The following UBD variants were observed in gnomAD, a reference collection of about 807,000 sequenced individuals.
UBD encodes ubiquitin D.
UBD carries 1 observed loss-of-function variant against 2.3 expected under a neutral mutation model. That is an observed-to-expected ratio of 0.43 (90% CI 0.15 to 2.06). The LOEUF is 2.06. Ranked by LOEUF, UBD falls within the 30% of genes most tolerant of loss-of-function variation. The pLI, the probability that UBD is intolerant of heterozygous loss-of-function variation, is 0.29. For missense variants in UBD, 175 were observed against 199.3 expected, an observed-to-expected ratio of 0.88 and a Z score of 0.73; for synonymous variants, 75 against 76.5, an observed-to-expected ratio of 0.98 and a Z score of 0.10.
At chr6:29,558,227 T>C (rs1762621218) in intron 1 of UBD, among the ~76,000 whole-genome samples, 1 of 152,236 alleles carries the variant, frequency 6.6e-6, no homozygotes, top group Non-Finnish European at 1.5e-5. Flanking sequence ...GAGACAGGAC[T>C]AGCTGGATTT....
Position 29,556,060 on chromosome 6 carries a change from C to T in UBD, c.318G>A (p.Val106=), listed in dbSNP as rs939809124. 5.6e-6 allele frequency: 9 copies of T among 1,613,022 alleles called. No homozygotes were observed. In the African/African-American group the frequency reaches 8.0e-5, roughly 14 times the overall value. The change falls in exon 2 of 2, where the codon GTG becomes GTA. Residue 106 remains valine, a synonymous_variant. Coordinates refer to ENST00000377050, the MANE Select transcript of UBD (RefSeq NM_006398.4). ...CTTGTGCCACTGAGCTGGACCTTCG[C>T]ACCTGGAGGAGGTGCCTCTTTGCCT... The part of the protein sequence containing the change: ...GDEAKRHLLQ[V]RRSSSVAQVK...
intron 1 of UBD, 81 bp from the exon 2 acceptor site, chr6:29,556,431 C>G (rs1301872497): frequency 2.0e-6 from 2 of 989,548 alleles, no homozygotes; most frequent in Non-Finnish European, 3.0e-6. Flanking sequence ...ATGGCTCCCC[C>G]TCTTCCACTA....
At chr6:29,558,754 A>G (rs535545296) in intron 1 of UBD, among the ~76,000 whole-genome samples, 1 of 152,304 alleles carries the variant, frequency 6.6e-6, no homozygotes, top group East Asian at 1.9e-4. Flanking sequence ...GGTTCTTCCT[A>G]ATCGAGCTGA....
intron 1 of UBD, 43 bp downstream of exon 1, chr6:29,559,632 G>A (rs1582871410): frequency 6.2e-7 from 1 of 1,611,218 alleles, no homozygotes; most frequent in Non-Finnish European, 8.5e-7. Context: ...ACTCTTGAAA[G>A]TGCTTTTCCT....
intron 1 of UBD, among the ~76,000 whole-genome samples, chr6:29,558,739 G>T (rs1762652026): frequency 6.6e-6 from 1 of 152,166 alleles, no homozygotes; most frequent in South Asian, 2.1e-4. Flanking sequence ...ACGGCTAAGT[G>T]CCCAGGTTCT....
chr6:29,555,802 CAGA>C lies in UBD; in HGVS notation c.*75_*77del. ...ATTCTCATTAATTTTGGGAAATCAT[CAGA>C]AGATGTGTTCGTTGAGTAAGAGATT... is the stretch of plus-strand genomic sequence containing the variant. On this transcript the variant is annotated 3_prime_UTR_variant, in exon 2 of 2. Coordinates refer to ENST00000377050, the MANE Select transcript of UBD (RefSeq NM_006398.4). 8.4e-7 allele frequency: 1 copy of C among 1,190,752 alleles called. No individual in the cohort carries two copies. The highest frequency in any genetic ancestry group is 1.4e-5 in the South Asian group (1 of 70,312). 73.8% of individuals were successfully genotyped at this position (1,190,752 alleles called of 1,614,324 possible). A position where few individuals can be genotyped will look rare whatever the true frequency, so the allele number is the denominator to read the frequency against.
At chr6:29,556,508 G>C in intron 1 of UBD, 158 bp from the exon 2 acceptor site, 3 of 579,234 alleles carry the variant, frequency 5.2e-6, no homozygotes, top group South Asian at 2.4e-5. Flanking sequence ...TTCTTTTTTG[G>C]AATTACCAAG....
chr6:29,555,940 T>C lies in UBD; in HGVS notation c.438A>G (p.Ala146=). ...GKRLEDGKMM[A]DYGIRKGNLL... Reference sequence around the variant, plus strand: ...AGTTGCCCTTTCTGATGCCGTAATCTGCCATCATCTTCCCATCTTCCAGTC... The same window carrying C: ...AGTTGCCCTTTCTGATGCCGTAATCCGCCATCATCTTCCCATCTTCCAGTC... The change falls in exon 2 of 2, where the codon GCA becomes GCG. Residue 146 remains alanine (A), a synonymous_variant. Coordinates refer to ENST00000377050, the MANE Select transcript of UBD (RefSeq NM_006398.4). The C allele has an allele frequency of 3.1e-6, 5 of 1,613,122 alleles. No homozygotes were observed. The highest frequency in any genetic ancestry group is 4.2e-6 in the Non-Finnish European group (5 of 1,180,042).
At position 29,555,820 on chromosome 6, in the gene UBD, A is replaced by C; in HGVS notation, c.*60T>G. On this transcript the variant is annotated 3_prime_UTR_variant, in exon 2 of 2. Coordinates refer to ENST00000377050, the MANE Select transcript of UBD (RefSeq NM_006398.4). ...AAATCATCAGAAGATGTGTTCGTTG[A>C]GTAAGAGATTAAAAGAAATAAGCTT... 2.2e-6 allele frequency: 3 copies of C among 1,343,026 alleles called. No individual in the cohort carries two copies. The highest frequency in any genetic ancestry group is 3.1e-6 in the Non-Finnish European group (3 of 956,222). 83.2% of individuals were successfully genotyped at this position (1,343,026 alleles called of 1,614,324 possible).
chr6:29,556,755 G>C (rs1241543761), intron 1 of UBD: 1 of 175,646 alleles, frequency 5.7e-6, no homozygotes, highest in Admixed American at 5.8e-5. Flanking sequence ...CTGGGAGTTC[G>C]AGACCAGCCT....
rs1281216187 is a variant in UBD at position 29,556,210 on chromosome 6, G to A, written c.168C>T (p.Ile56=). The A allele has an allele frequency of 6.2e-7, 1 of 1,612,954 alleles. No homozygotes were observed. Among genetic ancestry groups the A allele is most frequent in the Non-Finnish European group, 8.5e-7 (1 of 1,180,040 alleles). ...ATGAGAGGCTTCTCCGTGGCTTTAA[G>A]ATCTTGGAGCCCAGCAAAAGAACCT... The part of the protein sequence containing the change: ...QDQVLLLGSK[I]LKPRRSLSSY... Residue 56 remains isoleucine (I), a synonymous_variant, in exon 2 of 2, where the codon ATC becomes ATT. Transcript: ENST00000377050.
intron 1 of UBD, chr6:29,556,739 T>C (rs144473688): frequency 9.2e-4 from 174 of 188,410 alleles, no homozygotes; most frequent in African/African-American, 3.9e-3. Flanking sequence ...GGCTGATCAA[T>C]TGATGCTGGG....
chr6:29,556,005 T>C lies in UBD; in HGVS notation c.373A>G (p.Ile125Val). 5 of 1,613,142 alleles carry C rather than the reference T, an allele frequency of 3.1e-6. No homozygotes were observed. Among genetic ancestry groups the C allele is most frequent in the African/African-American group, 1.3e-5 (1 of 75,044 alleles). ...GTCACAATCTGGGTCTCAGGGATTA[T>C]ACCCGTCTTAGTCTCGATCATTGCT... ...VKAMIETKTG[I>V]IPETQIVTCN... The change falls in exon 2 of 2, where the codon ATA becomes GTA. Residue 125 changes from isoleucine (I) to valine (V), a missense_variant. Transcript: ENST00000377050.
In UBD at chr6:29,556,055, C is replaced by A; in HGVS notation, c.323G>T (p.Arg108Met). 1 of 1,613,128 alleles carries A rather than the reference C, an allele frequency of 6.2e-7. No homozygotes were observed. The highest frequency in any genetic ancestry group is 8.5e-7 in the Non-Finnish European group (1 of 1,180,028). ...EAKRHLLQVR[R>M]SSSVAQVKAM... ...TTTCACTTGTGCCACTGAGCTGGAC[C>A]TTCGCACCTGGAGGAGGTGCCTCTT... Residue 108 changes from arginine to methionine, a missense_variant, in exon 2 of 2, where the codon AGG becomes ATG. Arg to Met is a moderately conservative substitution (Grantham distance 91). Coordinates refer to ENST00000377050, the MANE Select transcript of UBD (RefSeq NM_006398.4).
At chr6:29,558,852 T>C (rs187864019) in intron 1 of UBD, among the ~76,000 whole-genome samples, 61 of 152,274 alleles carry the variant, frequency 4.0e-4, no homozygotes, top group African/African-American at 1.3e-3. Flanking sequence ...AAGATTCCAT[T>C]CCTTGGAATC....
At chr6:29,556,573 C>T (rs1332941331) in intron 1 of UBD, 12 of 518,604 alleles carry the variant, frequency 2.3e-5, no homozygotes, top group South Asian at 1.4e-4. Context: ...ACCTTTTTTT[C>T]GATCTTGAGA....
chr6:29,557,304 C>G (rs1314669827), intron 1 of UBD: 3 of 152,166 alleles, frequency 2.0e-5, no homozygotes, highest in Non-Finnish European at 4.4e-5. Flanking sequence ...GGCTAACTGA[C>G]CCCGTGTTCC....
Position 29,555,587 on chromosome 6 carries a change from A to G in UBD, c.*293T>C, listed in dbSNP as rs1407004321. The G allele has an allele frequency of 2.4e-6, 1 of 415,234 alleles. No homozygotes were observed. The allele number at this position is 415,234 out of a possible 1,614,324, so 25.7% of individuals were successfully genotyped here. ...GGAGTTTTTGCATAAATAACAAGGT[A>G]TCAAGACAGAATTAAATTCCAAGCT... is the stretch of plus-strand genomic sequence containing the variant. On this transcript the variant is annotated 3_prime_UTR_variant, in exon 2 of 2. Coordinates refer to ENST00000377050, the MANE Select transcript of UBD (RefSeq NM_006398.4).
In UBD at chr6:29,555,610, G is replaced by A. The variant is rs966771180; in HGVS notation, c.*270C>T. The A allele has an allele frequency of 1.4e-4, 62 of 451,592 alleles. No individual in the cohort carries two copies. The highest frequency in any genetic ancestry group is 4.6e-5 in the Non-Finnish European group (12 of 258,624). 28.0% of individuals were successfully genotyped at this position (451,592 alleles called of 1,614,324 possible). A position where few individuals can be genotyped will look rare whatever the true frequency, so the allele number is the denominator to read the frequency against. Reference sequence around the variant, plus strand: ...GTATCAAGACAGAATTAAATTCCAAGCTGGCTTTGAATGCTCTATTTTGCC... The same window carrying A: ...GTATCAAGACAGAATTAAATTCCAAACTGGCTTTGAATGCTCTATTTTGCC... On this transcript the variant is annotated 3_prime_UTR_variant, in exon 2 of 2. Coordinates refer to ENST00000377050, the MANE Select transcript of UBD (RefSeq NM_006398.4).
Sources: gnomAD v4.1 joint callset for allele counts (sites outside exome capture counted in the v4.1 genomes callset) on GRCh38, gnomAD v4.1.1 for gene constraint, MANE v1.5 for transcripts, NCBI Gene and HGNC (gene_info 2026-07-23, HGNC 2026-07-21) for gene names.